Variants in FNDC1 observed in about 807,000 individuals in gnomAD.
FNDC1 encodes fibronectin type III domain-containing protein 1.
Under a neutral mutation model 168.0 loss-of-function variants are expected in FNDC1, and 96 were observed. That is an observed-to-expected ratio of 0.57 (90% confidence interval 0.48 to 0.68). The LOEUF (loss-of-function observed/expected upper bound fraction) is 0.68. FNDC1 is among the 30% of genes least tolerant of loss of function. The pLI is 0.00. For missense variants in FNDC1, 2,587 were observed against 2,482.1 expected (o/e 1.04, Z -0.90); for synonymous variants, 1,099 against 1,025.9 (o/e 1.07, Z -1.36).
At chr6:159,186,427 C>T (rs944435995) in intron 1 of FNDC1, among the ~76,000 whole-genome samples, 1 of 152,154 alleles carries the variant, frequency 6.6e-6, no homozygotes, top group Non-Finnish European at 1.5e-5. Flanking sequence ...GCTTAGTTTG[C>T]CCTCATCGTG....
chr6:159,197,418 G>A lies in FNDC1; in HGVS notation c.110-13G>A, dbSNP rs376577321. ...GTTATTGCCATGAGTTGATAGTTGC[G>A]CTGTTTACATAGTTGACCACCCACT... On this transcript the variant is annotated splice_polypyrimidine_tract_variant and intron_variant, in intron 1 of 22. Transcript: ENST00000297267. The A allele has an allele frequency of 7.9e-5, 126 of 1,594,648 alleles. No homozygotes were observed. The highest frequency in any genetic ancestry group is 9.1e-5 in the South Asian group (8 of 88,118).
At chr6:159,224,723 C>G (rs432598) in intron 7 of FNDC1, among the ~76,000 whole-genome samples, 58,421 of 152,028 alleles carry the variant, frequency 0.38, 14,369 homozygotes, top group East Asian at 0.73. Context: ...TAATTGGTGT[C>G]CTGTGTCTTC....
chr6:159,204,799 C>T (rs1337112030), intron 4 of FNDC1, among the ~76,000 whole-genome samples: 1 of 152,188 alleles, frequency 6.6e-6, no homozygotes, highest in African/African-American at 2.4e-5. Flanking sequence ...TGCTGCTTGG[C>T]CACTTCCTGA....
At position 159,236,231 on chromosome 6, in the gene FNDC1, A is replaced by G. The variant is rs1783254652; in HGVS notation, c.3984A>G (p.Pro1328=). ...ACTGTGTAGGTTATAATGGCAGACC[A>G]AATGTAGAAGGGAAAGTCCTTCCTG... is the stretch of plus-strand genomic sequence containing the variant. ...PSYRQGYNGR[P]NVEGKVLPGS... Residue 1328 remains proline, a synonymous_variant, in exon 12 of 23, where the codon CCA becomes CCG. Coordinates refer to ENST00000297267, the MANE Select transcript of FNDC1 (RefSeq NM_032532.3). 6 of 1,613,458 alleles carry G rather than the reference A, an allele frequency of 3.7e-6. No individual in the cohort carries two copies. Among genetic ancestry groups the G allele is most frequent in the Non-Finnish European group, 5.1e-6 (6 of 1,179,528 alleles).
At chr6:159,265,966 A>ACAAT (rs1777584507) in intron 20 of FNDC1, 118 bp from the exon 21 acceptor site, 4 of 1,053,018 alleles carry the variant, frequency 3.8e-6, no homozygotes, top group Non-Finnish European at 5.5e-6. Flanking sequence ...AAACAAACAA[A>ACAAT]CAAAAAGCCC....
chr6:159,234,774 C>T (rs2114995132), intron 11 of FNDC1, among the ~76,000 whole-genome samples: 1 of 152,344 alleles, frequency 6.6e-6, no homozygotes, highest in East Asian at 1.9e-4. Flanking sequence ...ATTACTAACC[C>T]ACATTGCCTC....
intron 18 of FNDC1, among the ~76,000 whole-genome samples, chr6:159,257,575 A>G (rs1003456480): frequency 6.6e-6 from 1 of 152,154 alleles, no homozygotes; most frequent in Non-Finnish European, 1.5e-5. Context: ...AGGCCGAGGA[A>G]CATGGAGGAG....
chr6:159,260,886 C>T lies in FNDC1; in HGVS notation c.5175-304C>T, dbSNP rs542423370. Among the ~76,000 whole-genome samples the T allele has an allele frequency of 1.2e-4, 19 of 152,292 alleles. No individual in the cohort carries two copies. In the South Asian group the frequency reaches 2.1e-3, roughly 17 times the overall value. On this transcript the variant is annotated intron_variant, in intron 18 of 22. Transcript: ENST00000297267. ...CCAGGGATGAGCTCAGGCGAGTCTGCGCAGAGCAGGGACAGTCCTGATGCA... is the reference window on the plus strand; with the variant it reads ...CCAGGGATGAGCTCAGGCGAGTCTGTGCAGAGCAGGGACAGTCCTGATGCA...
At chr6:159,192,108 G>A (rs113312962) in intron 1 of FNDC1, among the ~76,000 whole-genome samples, 5,788 of 152,012 alleles carry the variant, frequency 0.038, 404 homozygotes, top group African/African-American at 0.13. Context: ...AAACTCCTGG[G>A]CTCAGGTGAT....
At chr6:159,197,350 TAAC>T in intron 1 of FNDC1, 78 bp from the exon 2 acceptor site, 4 of 1,308,120 alleles carry the variant, frequency 3.1e-6, no homozygotes, top group Non-Finnish European at 4.3e-6. Context: ...ACTGTTTTCC[TAAC>T]AATATCAAAG....
At chr6:159,186,040 AT>A (rs1781991578) in intron 1 of FNDC1, among the ~76,000 whole-genome samples, 1 of 152,168 alleles carries the variant, frequency 6.6e-6, no homozygotes, top group East Asian at 1.9e-4. Flanking sequence ...GATAAGGGAG[AT>A]TTATTTTAAG....
intron 1 of FNDC1, among the ~76,000 whole-genome samples, chr6:159,196,815 T>C (rs567777443): frequency 3.3e-5 from 5 of 152,240 alleles, no homozygotes; most frequent in Non-Finnish European, 7.3e-5. Context: ...GATAAAAAAG[T>C]GATTGTACTT....
At chr6:159,209,774 C>G (rs1782559805) in intron 4 of FNDC1, among the ~76,000 whole-genome samples, 1 of 152,152 alleles carries the variant, frequency 6.6e-6, no homozygotes, top group Admixed American at 6.5e-5. Flanking sequence ...AGATCAAGGT[C>G]CTTTCCCTTT....
At chr6:159,246,689 G>A (rs759258549) in intron 14 of FNDC1, among the ~76,000 whole-genome samples, 46 of 152,182 alleles carry the variant, frequency 3.0e-4, no homozygotes, top group Admixed American at 5.2e-4. Context: ...CATTTGTATC[G>A]CCCTTTCCTG....
At chr6:159,217,547 T>C (rs369160) in intron 5 of FNDC1, among the ~76,000 whole-genome samples, 47,327 of 152,052 alleles carry the variant, frequency 0.31, 8,483 homozygotes, top group East Asian at 0.67. Flanking sequence ...TCAGATCCCT[T>C]CCCTGATACA....
Position 159,239,922 on chromosome 6 carries a change from G to T in FNDC1, c.4586G>T (p.Ser1529Ile). The change falls in exon 14 of 23, where the codon AGC becomes ATC. Residue 1529 changes from serine (S) to isoleucine (I), a missense_variant. Physicochemically the swap from Ser to Ile is moderately radical, Grantham distance 142. Transcript: ENST00000297267. ...RHDDDGNLIMSSNGIPECYAE... is the reference protein window; with the variant it reads ...RHDDDGNLIMISNGIPECYAE... ...GACGATGATGGCAACCTGATAATGA[G>T]CTCCAATGGGATCCCAGAGTGCTAC... 1 of 1,509,040 alleles carries T rather than the reference G, an allele frequency of 6.6e-7. No individual in the cohort carries two copies. Among genetic ancestry groups the T allele is most frequent in the Non-Finnish European group, 8.9e-7 (1 of 1,123,588 alleles). 93.5% of individuals were successfully genotyped at this position (1,509,040 alleles called of 1,614,324 possible). A position where few individuals can be genotyped will look rare whatever the true frequency, so the allele number is the denominator to read the frequency against.
At chr6:159,179,866 T>C (rs1206547909) in intron 1 of FNDC1, among the ~76,000 whole-genome samples, 5 of 152,202 alleles carry the variant, frequency 3.3e-5, no homozygotes, top group Non-Finnish European at 1.5e-5. Context: ...TTTATGTATG[T>C]TGACCGGCCT....
rs1427429794 is a variant in FNDC1 at position 159,245,886 on chromosome 6, C to T, written c.4622-1015C>T. On this transcript the variant is annotated intron_variant, in intron 14 of 22. Transcript: ENST00000297267. Reference sequence around the variant, plus strand: ...GCCTCAGCCTCCCGAGTAGCTGGGACTATAGGCGCCCACCACGACGCCCGG... The same window carrying T: ...GCCTCAGCCTCCCGAGTAGCTGGGATTATAGGCGCCCACCACGACGCCCGG... Among the ~76,000 whole-genome samples the T allele has an allele frequency of 2.3e-4, 7 of 30,100 alleles. 2 individuals carry two copies. The highest frequency in any genetic ancestry group is 6.8e-4 in the African/African-American group (7 of 10,326). The allele number at this position is 30,100 out of a possible 152,430, so 19.7% of individuals were successfully genotyped here. A position where few individuals can be genotyped will look rare whatever the true frequency, so the allele number is the denominator to read the frequency against.
intron 9 of FNDC1, among the ~76,000 whole-genome samples, chr6:159,227,876 T>C (rs1428253635): frequency 6.6e-6 from 1 of 152,206 alleles, no homozygotes; most frequent in African/African-American, 2.4e-5. Flanking sequence ...GAATCTGTGC[T>C]GGGCCTCATT....
Sources: gnomAD v4.1 joint callset for allele counts (sites outside exome capture counted in the v4.1 genomes callset) on GRCh38, gnomAD v4.1.1 for gene constraint, MANE v1.5 for transcripts, NCBI Gene and HGNC (gene_info 2026-07-23, HGNC 2026-07-21) for gene names.